DSCAM: variants seen among roughly 807,000 people sequenced by gnomAD.
DSCAM encodes the protein cell adhesion molecule DSCAM.
In DSCAM, 47 loss-of-function variants were observed where a neutral mutation model predicts 217.7. That is an observed-to-expected ratio of 0.22 (90% CI 0.17 to 0.28). The LOEUF (loss-of-function observed/expected upper bound fraction) is 0.28, where lower values mean the gene tolerates loss of function less well. Ranked by LOEUF, DSCAM falls within the 10% of genes least tolerant of loss-of-function variation. DSCAM has a pLI of 1.00. For missense variants in DSCAM, 2,080 were observed against 2,618.3 expected, an observed-to-expected ratio of 0.79 and a Z score of 4.49; for synonymous variants, 1,056 against 1,015.3, an observed-to-expected ratio of 1.04 and a Z score of -0.76.
chr21:40,122,662 G>A (rs1423580234), intron 20 of DSCAM, among the ~76,000 whole-genome samples: 1 of 152,150 alleles, frequency 6.6e-6, no homozygotes, highest in African/African-American at 2.4e-5. Flanking sequence ...AGGATTAACA[G>A]CATATTGAAA....
chr21:40,361,575 T>C (rs988473021), intron 4 of DSCAM, among the ~76,000 whole-genome samples: 2 of 152,122 alleles, frequency 1.3e-5, no homozygotes, highest in African/African-American at 2.4e-5. Context: ...GCTGAGATTG[T>C]ACCACTGCAC....
intron 3 of DSCAM, chr21:40,618,398 G>A (rs576066144): frequency 1.3e-4 from 20 of 152,356 alleles, no homozygotes; most frequent in African/African-American, 4.6e-4. Flanking sequence ...GTGCGGTGTG[G>A]GGAATGGTCT....
intron 16 of DSCAM, among the ~76,000 whole-genome samples, chr21:40,147,655 T>G (rs574038170): frequency 1.3e-5 from 2 of 152,324 alleles, no homozygotes; most frequent in Admixed American, 6.5e-5. Flanking sequence ...CACATTTTGA[T>G]GCATTTCAGT....
chr21:40,114,359 T>C (rs2089940453), intron 20 of DSCAM, among the ~76,000 whole-genome samples: 3 of 151,430 alleles, frequency 2.0e-5, no homozygotes, highest in South Asian at 2.1e-4. Context: ...TGGCTAGCCA[T>C]ATGTAGAAAG....
At chr21:40,776,966 C>T (rs1287251659) in intron 1 of DSCAM, among the ~76,000 whole-genome samples, 1 of 152,172 alleles carries the variant, frequency 6.6e-6, no homozygotes, top group South Asian at 2.1e-4. Context: ...AAGATGTCAG[C>T]AGATTCTGAA....
intron 3 of DSCAM, among the ~76,000 whole-genome samples, chr21:40,544,346 G>C (rs1313839078): frequency 6.6e-6 from 1 of 152,182 alleles, no homozygotes; most frequent in Admixed American, 6.5e-5. Flanking sequence ...CCAAAATTAA[G>C]AAAGTCCTCT....
intron 3 of DSCAM, among the ~76,000 whole-genome samples, chr21:40,391,513 T>C (rs1205127056): frequency 6.6e-6 from 1 of 152,258 alleles, no homozygotes; most frequent in African/African-American, 2.4e-5. Context: ...TTTCAATGTT[T>C]CTTTCTTTGG....
intron 20 of DSCAM, among the ~76,000 whole-genome samples, chr21:40,097,428 T>C (rs2089689558): frequency 6.6e-6 from 1 of 151,414 alleles, no homozygotes; most frequent in African/African-American, 2.4e-5. Flanking sequence ...ATAAATAAAA[T>C]GGAATTACAA....
chr21:40,694,773 C>T (rs527723005), intron 2 of DSCAM, among the ~76,000 whole-genome samples: 2 of 151,882 alleles, frequency 1.3e-5, no homozygotes, highest in African/African-American at 4.8e-5. Context: ...ATCCTTACAC[C>T]GAGAGGAGGG....
At chr21:40,330,366 T>C (rs2074365011) in intron 8 of DSCAM, among the ~76,000 whole-genome samples, 2 of 142,940 alleles carry the variant, frequency 1.4e-5, no homozygotes, top group Admixed American at 1.5e-4. Flanking sequence ...AAATTATGCA[T>C]ATATTTATAT....
intron 1 of DSCAM, among the ~76,000 whole-genome samples, chr21:40,776,087 C>A (rs2091485690): frequency 6.6e-6 from 1 of 152,034 alleles, no homozygotes; most frequent in African/African-American, 2.4e-5. Context: ...TTTATGCTTG[C>A]AAAAATATTT....
chr21:40,669,030 C>A (rs562067935), intron 3 of DSCAM, among the ~76,000 whole-genome samples: 11 of 152,140 alleles, frequency 7.2e-5, no homozygotes, highest in Non-Finnish European at 1.2e-4. Context: ...GCAGGGATTG[C>A]GTATTTCTCT....
chr21:40,832,551 G>A (rs1007553654), intron 1 of DSCAM, among the ~76,000 whole-genome samples: 3 of 152,162 alleles, frequency 2.0e-5, no homozygotes, highest in African/African-American at 7.2e-5. Context: ...TAGGATGCGG[G>A]AAGCTGGAAT....
chr21:40,277,852 G>T (rs1601511046), intron 10 of DSCAM, among the ~76,000 whole-genome samples: 1 of 143,388 alleles, frequency 7.0e-6, no homozygotes. Flanking sequence ...CTGGGCGACA[G>T]AGTGAGACTT....
chr21:40,184,293 C>T (rs2047223867), intron 14 of DSCAM, among the ~76,000 whole-genome samples: 1 of 152,196 alleles, frequency 6.6e-6, no homozygotes, highest in South Asian at 2.1e-4. Context: ...CTGACTAACA[C>T]AACTCGTACA....
intron 3 of DSCAM, among the ~76,000 whole-genome samples, chr21:40,653,881 G>A (rs2090043753): frequency 2.0e-5 from 3 of 152,088 alleles, no homozygotes; most frequent in Admixed American, 1.3e-4. Flanking sequence ...CAGATCATGA[G>A]GTCAGGAGTT....
chr21:40,268,667 G>A (rs1169929595), intron 11 of DSCAM, among the ~76,000 whole-genome samples: 4 of 152,106 alleles, frequency 2.6e-5, no homozygotes, highest in Non-Finnish European at 5.9e-5. Context: ...GTAATTTTTC[G>A]AAAGGCTGTG....
At chr21:40,841,539 G>A (rs1322434673) in intron 1 of DSCAM, among the ~76,000 whole-genome samples, 1 of 152,204 alleles carries the variant, frequency 6.6e-6, no homozygotes, top group Non-Finnish European at 1.5e-5. Flanking sequence ...CAGTCCAGGG[G>A]AACAGGTGTT....
At chr21:40,553,893 T>C (rs1177507731) in intron 3 of DSCAM, among the ~76,000 whole-genome samples, 1 of 152,164 alleles carries the variant, frequency 6.6e-6, no homozygotes, top group Non-Finnish European at 1.5e-5. Context: ...ATGACAAAAC[T>C]GAGGCCCAAC....
Sources: gnomAD v4.1 joint callset for allele counts (sites outside exome capture counted in the v4.1 genomes callset) on GRCh38, gnomAD v4.1.1 for gene constraint, MANE v1.5 for transcripts, NCBI Gene and HGNC (gene_info 2026-07-23, HGNC 2026-07-21) for gene names.